The following PTPRQ variants were observed in gnomAD, a reference collection of about 807,000 sequenced individuals.
PTPRQ encodes phosphatidylinositol phosphatase PTPRQ.
In PTPRQ, 199 loss-of-function variants were observed where a neutral mutation model predicts 246.0. The ratio of observed to expected loss-of-function variants is 0.81; its 90% CI spans 0.72 to 0.91. The LOEUF (loss-of-function observed/expected upper bound fraction) is 0.91, where lower values mean the gene tolerates loss of function less well. PTPRQ is among the 40% of genes least tolerant of loss of function. The pLI, the probability that PTPRQ is intolerant of heterozygous loss-of-function variation, is 0.00. For missense variants in PTPRQ, 2,624 were observed against 2,528.4 expected, an observed-to-expected ratio of 1.04 and a Z score of -0.81; for synonymous variants, 869 against 853.2, an observed-to-expected ratio of 1.02 and a Z score of -0.32.
At chr12:80,519,039 C>T (rs1895392141) in intron 17 of PTPRQ, among the ~76,000 whole-genome samples, 1 of 152,076 alleles carries the variant, frequency 6.6e-6, no homozygotes, top group Non-Finnish European at 1.5e-5. Flanking sequence ...ACAGAGATTG[C>T]ATTGCATCTG....
chr12:80,581,482 G>T (rs548692924), intron 25 of PTPRQ, among the ~76,000 whole-genome samples: 1 of 151,884 alleles, frequency 6.6e-6, no homozygotes, highest in Non-Finnish European at 1.5e-5. Flanking sequence ...CAAAAAGTAC[G>T]AAATTAGTTG....
chr12:80,565,170 GA>G (rs1896941142), intron 25 of PTPRQ, among the ~76,000 whole-genome samples: 1 of 152,018 alleles, frequency 6.6e-6, no homozygotes, highest in Non-Finnish European at 1.5e-5. Context: ...TTGCTATTTT[GA>G]AATTATCTTA....
In PTPRQ at chr12:80,620,278, T is replaced by C; in HGVS notation, c.5514T>C (p.Asn1838=). Residue 1838 remains asparagine (N), a synonymous_variant, in exon 32 of 45, where the codon AAT becomes AAC. Transcript: ENST00000644991. ...AAGGAAAGACAAAGTTTAGTGGCAA[T>C]GAAGAAATCTACATCATAGGTGCTG... ...CTEGKTKFSG[N]EEIYIIGADN... is the part of the protein sequence containing the mutation. 1 of 1,549,562 alleles carries C rather than the reference T, an allele frequency of 6.5e-7. No homozygotes were observed. Among genetic ancestry groups the C allele is most frequent in the East Asian group, 2.4e-5 (1 of 40,828 alleles).
chr12:80,460,575 A>G (rs531502208), intron 5 of PTPRQ, 78 bp from the exon 6 acceptor site: 1 of 397,552 alleles, frequency 2.5e-6, no homozygotes, highest in South Asian at 1.4e-4. Flanking sequence ...AGAAAAAGAA[A>G]TGAATTACAT....
chr12:80,536,236 AAAG>A, intron 19 of PTPRQ, among the ~76,000 whole-genome samples: 1 of 152,366 alleles, frequency 6.6e-6, no homozygotes, highest in Non-Finnish European at 1.5e-5. Flanking sequence ...CTTTTAAGTA[AAAG>A]AAGAAGAAAG....
At chr12:80,484,290 A>C (rs1652803008) in intron 8 of PTPRQ, 143 bp from the exon 9 acceptor site, 1 of 1,044,218 alleles carries the variant, frequency 9.6e-7, no homozygotes, top group South Asian at 1.8e-5. Flanking sequence ...TACAGCCATG[A>C]GCCACCGCAC....
intron 3 of PTPRQ, among the ~76,000 whole-genome samples, chr12:80,447,714 A>G (rs894737276): frequency 7.2e-5 from 11 of 152,070 alleles, no homozygotes; most frequent in African/African-American, 2.6e-4. Flanking sequence ...GGTTGTAGGT[A>G]TGTGACTTTA....
At chr12:80,586,617 A>G (rs961883434) in intron 25 of PTPRQ, 1 of 152,210 alleles carries the variant, frequency 6.6e-6, no homozygotes, top group African/African-American at 2.4e-5. Context: ...TTCTCTGATT[A>G]CCTAATTTAA....
intron 33 of PTPRQ, among the ~76,000 whole-genome samples, chr12:80,622,905 A>G (rs1014151140): frequency 2.6e-5 from 4 of 151,738 alleles, no homozygotes; most frequent in Non-Finnish European, 5.9e-5. Context: ...GCTTTTTTGG[A>G]TAGGTTATAA....
At chr12:80,573,900 T>C (rs548074314) in intron 25 of PTPRQ, among the ~76,000 whole-genome samples, 2 of 152,306 alleles carry the variant, frequency 1.3e-5, no homozygotes, top group East Asian at 3.9e-4. Context: ...TAAGGTTCTA[T>C]GTATTAGTTC....
At chr12:80,491,330 G>T (rs1211373348) in intron 9 of PTPRQ, among the ~76,000 whole-genome samples, 2 of 151,938 alleles carry the variant, frequency 1.3e-5, no homozygotes, top group African/African-American at 4.8e-5. Context: ...GGAAACAGCT[G>T]TGTGGTTTGG....
At chr12:80,471,398 G>A (rs1014246489) in intron 7 of PTPRQ, among the ~76,000 whole-genome samples, 1 of 149,368 alleles carries the variant, frequency 6.7e-6, no homozygotes, top group Non-Finnish European at 1.5e-5. Context: ...GACAGACTAA[G>A]GAATTTTGTT....
intron 9 of PTPRQ, among the ~76,000 whole-genome samples, chr12:80,492,540 G>T (rs186605389): frequency 6.6e-6 from 1 of 151,946 alleles, no homozygotes; most frequent in East Asian, 1.9e-4. Flanking sequence ...TATGCTAGTG[G>T]GGATGAAGAA....
intron 3 of PTPRQ, among the ~76,000 whole-genome samples, chr12:80,446,541 G>C (rs558986144): frequency 6.6e-6 from 1 of 151,766 alleles, no homozygotes; most frequent in South Asian, 2.1e-4. Context: ...CACCCAAATA[G>C]TAAACATTGT....
intron 8 of PTPRQ, among the ~76,000 whole-genome samples, chr12:80,476,501 T>C: frequency 6.6e-6 from 1 of 152,184 alleles, no homozygotes; most frequent in East Asian, 1.9e-4. Flanking sequence ...AGGGAGTCTT[T>C]ACCGGTTACT....
At chr12:80,583,961 C>G (rs1283318285) in intron 25 of PTPRQ, 2 of 152,156 alleles carry the variant, frequency 1.3e-5, no homozygotes, top group African/African-American at 4.8e-5. Flanking sequence ...TCATGCAGCT[C>G]CCTCCTTCTT....
chr12:80,534,275 C>A, intron 18 of PTPRQ, 100 bp downstream of exon 18: 1 of 1,198,952 alleles, frequency 8.3e-7, no homozygotes, highest in Non-Finnish European at 1.1e-6. Flanking sequence ...ATGATGAAGC[C>A]TAATATTCAT....
chr12:80,532,100 G>C (rs1379119154), intron 17 of PTPRQ, among the ~76,000 whole-genome samples: 1 of 152,128 alleles, frequency 6.6e-6, no homozygotes, highest in African/African-American at 2.4e-5. Context: ...ATCAGGGCAA[G>C]AAGGTAGTGA....
chr12:80,535,882 C>T (rs1182025309), intron 19 of PTPRQ, among the ~76,000 whole-genome samples: 4 of 151,982 alleles, frequency 2.6e-5, no homozygotes, highest in Non-Finnish European at 5.9e-5. Flanking sequence ...CCGAGGCGGG[C>T]GGATCACAAG....
Sources: gnomAD v4.1 joint callset for allele counts (sites outside exome capture counted in the v4.1 genomes callset) on GRCh38, gnomAD v4.1.1 for gene constraint, MANE v1.5 for transcripts, NCBI Gene and HGNC (gene_info 2026-07-23, HGNC 2026-07-21) for gene names.